Variants in AP1B1 observed in about 807,000 individuals in gnomAD.
AP1B1 encodes AP-1 complex subunit beta-1.
AP1B1 carries 36 observed loss-of-function variants against 104.3 expected under a neutral mutation model. The observed-to-expected ratio is 0.35, with a 90% CI of 0.26 to 0.46. The LOEUF is 0.46. AP1B1 is among the 20% of genes least tolerant of loss of function. The probability of loss-of-function intolerance (pLI) is 1.00; values close to 1 mark genes in which losing one functional copy is unlikely to be tolerated. For missense variants in AP1B1, 901 were observed against 1,247.9 expected (o/e 0.72, Z 4.19); for synonymous variants, 504 against 517.5 (o/e 0.97, Z 0.35).
At chr22:29,376,948 C>A (rs2148045314) in intron 1 of AP1B1, among the ~76,000 whole-genome samples, 1 of 152,238 alleles carries the variant, frequency 6.6e-6, no homozygotes, top group Middle Eastern at 3.4e-3. Flanking sequence ...CACAATCCAG[C>A]ACTTTGGGAG....
chr22:29,382,656 G>T (rs934207982), intron 1 of AP1B1, among the ~76,000 whole-genome samples: 1 of 152,170 alleles, frequency 6.6e-6, no homozygotes, highest in Admixed American at 6.5e-5. Context: ...TTTAACTAGG[G>T]TGGCCATAGA....
chr22:29,371,900 G>A (rs1277233623), intron 1 of AP1B1, among the ~76,000 whole-genome samples: 2 of 152,136 alleles, frequency 1.3e-5, no homozygotes, highest in Non-Finnish European at 2.9e-5. Flanking sequence ...TTCTGGGCTG[G>A]GATCCCCCCC....
chr22:29,337,599 C>G (rs534370968), intron 16 of AP1B1, among the ~76,000 whole-genome samples: 7 of 152,310 alleles, frequency 4.6e-5, no homozygotes, highest in African/African-American at 1.4e-4. Context: ...GCAAACACAA[C>G]TTCTGATCTG....
chr22:29,329,671 CTGG>C, intron 22 of AP1B1, 38 bp downstream of exon 22: 1 of 1,612,698 alleles, frequency 6.2e-7, no homozygotes, highest in Non-Finnish European at 8.5e-7. Flanking sequence ...GGAGACAAGA[CTGG>C]GGAGGGCGGA....
chr22:29,368,595 G>A (rs1569163908), intron 1 of AP1B1, among the ~76,000 whole-genome samples: 3 of 152,150 alleles, frequency 2.0e-5, no homozygotes, highest in Admixed American at 6.5e-5. Flanking sequence ...CGGACTCAGC[G>A]ATGTTACATG....
At chr22:29,368,993 A>T (rs1335257856) in intron 1 of AP1B1, among the ~76,000 whole-genome samples, 1 of 152,136 alleles carries the variant, frequency 6.6e-6, no homozygotes, top group African/African-American at 2.4e-5. Flanking sequence ...TCCTACCTGT[A>T]GTTTTATGTG....
At chr22:29,348,765 A>T (rs543380421) in intron 11 of AP1B1, among the ~76,000 whole-genome samples, 1 of 152,328 alleles carries the variant, frequency 6.6e-6, no homozygotes, top group East Asian at 1.9e-4. Context: ...GTGTATAGGA[A>T]GGATGGGTGC....
At chr22:29,366,317 A>T (rs1168436015) in intron 2 of AP1B1, among the ~76,000 whole-genome samples, 2 of 152,218 alleles carry the variant, frequency 1.3e-5, no homozygotes, top group Admixed American at 6.5e-5. Context: ...TCAAAACATC[A>T]AATGAAAAAC....
chr22:29,386,685 T>A (rs1276278304), intron 1 of AP1B1, among the ~76,000 whole-genome samples: 4 of 152,226 alleles, frequency 2.6e-5, no homozygotes, highest in Admixed American at 2.0e-4. Context: ...AATATTTATA[T>A]ACAGCTTTCT....
rs1420858727 is a variant in AP1B1 at position 29,341,777 on chromosome 22, G to A, written c.1537-17C>T. On this transcript the variant is annotated splice_polypyrimidine_tract_variant and intron_variant, in intron 12 of 22. Coordinates refer to ENST00000357586, the MANE Select transcript of AP1B1 (RefSeq NM_001127.4). ...ATCTGAGTCCTTGTGGGGGTGAGGAGAAGCCCATGAAACTCAGAGTAGCCA... is the reference window on the plus strand; with the variant it reads ...ATCTGAGTCCTTGTGGGGGTGAGGAAAAGCCCATGAAACTCAGAGTAGCCA... 1 of 1,591,646 alleles carries A rather than the reference G, an allele frequency of 6.3e-7. No individual in the cohort carries two copies. The highest frequency in any genetic ancestry group is 2.2e-5 in the East Asian group (1 of 44,462).
At chr22:29,384,655 G>T (rs1445053236) in intron 1 of AP1B1, among the ~76,000 whole-genome samples, 1 of 151,980 alleles carries the variant, frequency 6.6e-6, no homozygotes, top group Non-Finnish European at 1.5e-5. Flanking sequence ...GTCACTTGAG[G>T]TCAGGAGTTC....
intron 3 of AP1B1, among the ~76,000 whole-genome samples, chr22:29,361,530 A>G (rs897593600): frequency 2.6e-5 from 4 of 152,090 alleles, no homozygotes; most frequent in African/African-American, 9.7e-5. Context: ...ATTACCTACA[A>G]TATGGGAATT....
At position 29,342,238 on chromosome 22, in the gene AP1B1, T is replaced by C. The variant is rs765837435; in HGVS notation, c.1536+47A>G. On this transcript the variant is annotated intron_variant, in intron 12 of 22. Coordinates refer to ENST00000357586, the MANE Select transcript of AP1B1 (RefSeq NM_001127.4). The stretch of plus-strand genomic sequence containing the variant: ...GTTCCTGGGACAAAAGTTCCCCTGC[T>C]TGAGTGAGGGCTATGCTGGGCACAG... 33 of 1,502,680 alleles carry C rather than the reference T, an allele frequency of 2.2e-5. 1 individual carries two copies. In the South Asian group the frequency reaches 3.8e-4, roughly 17 times the overall value. The allele number at this position is 1,502,680 out of a possible 1,614,324, so 93.1% of individuals were successfully genotyped here. A position where few individuals can be genotyped will look rare whatever the true frequency, so the allele number is the denominator to read the frequency against.
chr22:29,329,992 T>A, intron 21 of AP1B1: 1 of 1,413,752 alleles, frequency 7.1e-7, no homozygotes, highest in South Asian at 1.5e-5. Context: ...CAGGTCTACC[T>A]CAAAGGCTGG....
intron 9 of AP1B1, 37 bp from the exon 10 acceptor site, chr22:29,350,187 C>A: frequency 6.4e-7 from 1 of 1,555,428 alleles, no homozygotes; most frequent in Non-Finnish European, 8.9e-7. Flanking sequence ...GAGGTCCCCG[C>A]ACCCCATTTC....
intron 21 of AP1B1, 35 bp downstream of exon 21, chr22:29,330,343 C>G (rs752047215): frequency 6.2e-7 from 1 of 1,610,632 alleles, no homozygotes; most frequent in Non-Finnish European, 8.5e-7. Flanking sequence ...GAAGGGGAGG[C>G]TCCAAGGCTG....
Position 29,388,054 on chromosome 22 carries a change from A to AATC in AP1B1, c.-28+369_-28+370insGAT, listed in dbSNP as rs202102342. Among the ~76,000 whole-genome samples, 1,169 of 152,260 alleles carry AATC rather than the reference A, an allele frequency of 7.7e-3. 18 individuals are homozygous for AATC. The highest frequency in any genetic ancestry group is 0.027 in the African/African-American group (1,114 of 41,536). ...CTTCTTTTTCAACCTTGGCAAAGAG[A>AATC]TAACGCCCTGAACAACGAGGAGGCC... On this transcript the variant is annotated intron_variant, in intron 1 of 22. Coordinates refer to ENST00000357586, the MANE Select transcript of AP1B1 (RefSeq NM_001127.4).
chr22:29,344,596 C>T (rs1040616186), intron 11 of AP1B1, among the ~76,000 whole-genome samples: 1 of 135,662 alleles, frequency 7.4e-6, no homozygotes, highest in South Asian at 2.4e-4. Context: ...ATGATCTCAT[C>T]TCACTGCAAC....
At chr22:29,337,416 G>A (rs768382962) in intron 16 of AP1B1, among the ~76,000 whole-genome samples, 2 of 152,158 alleles carry the variant, frequency 1.3e-5, no homozygotes, top group African/African-American at 2.4e-5. Flanking sequence ...CCTGCCAGGG[G>A]CTCCAGTCAC....
Sources: allele counts gnomAD v4.1 joint callset (sites outside exome capture counted in the v4.1 genomes callset), GRCh38; gene constraint gnomAD v4.1.1; transcripts MANE v1.5; gene names NCBI Gene and HGNC (gene_info 2026-07-23, HGNC 2026-07-21).